The following MYCBP2 variants were observed in gnomAD, a reference collection of about 807,000 sequenced individuals.
MYCBP2 encodes the protein MYC binding protein 2, also known as E3 ubiquitin-protein ligase MYCBP2.
Under a neutral mutation model 525.3 loss-of-function variants are expected in MYCBP2, and 120 were observed. That is an observed-to-expected ratio of 0.23 (90% CI 0.20 to 0.27). The LOEUF (loss-of-function observed/expected upper bound fraction) is 0.27. Ranked by LOEUF, MYCBP2 falls within the 10% of genes least tolerant of loss-of-function variation. The pLI is 1.00. For missense variants in MYCBP2, 4,149 were observed against 5,657.1 expected, an observed-to-expected ratio of 0.73 and a Z score of 8.55; for synonymous variants, 1,894 against 1,955.8, an observed-to-expected ratio of 0.97 and a Z score of 0.83.
chr13:77,169,538 A>C, intron 39 of MYCBP2, 76 bp downstream of exon 39: 2 of 1,319,526 alleles, frequency 1.5e-6, no homozygotes, highest in South Asian at 2.5e-5. Flanking sequence ...AGTTTTTGTA[A>C]AGACAAGACA....
rs1229214120 is a variant in MYCBP2, at chr13:77,098,128, T to A, written c.9026A>T (p.Lys3009Ile). 1 of 1,613,560 alleles carries A rather than the reference T, an allele frequency of 6.2e-7. No homozygotes were observed. The highest frequency in any genetic ancestry group is 1.3e-5 in the African/African-American group (1 of 74,888). The change falls in exon 56 of 83, where the codon AAA becomes ATA. Residue 3009 changes from lysine to isoleucine, a missense_variant. By Grantham distance (102) the Lys-to-Ile change is moderately radical. This residue lies in a region of MYCBP2 where 653 missense variants were observed against 744.7 expected (regional missense o/e 0.88). Coordinates refer to ENST00000544440, the MANE Select transcript of MYCBP2 (RefSeq NM_015057.5). ...CTCTAAAGGCTTGGATCCATCTCCT[T>A]TGAAAAGAAAACTCGATTTTTCTTT... ...PKKEKSSFLF[K>I]GDGSKPLEPA... is the part of the protein sequence containing the mutation.
chr13:77,057,611 G>T (rs1056215888), intron 78 of MYCBP2, among the ~76,000 whole-genome samples: 3 of 152,206 alleles, frequency 2.0e-5, no homozygotes, highest in East Asian at 1.9e-4. Flanking sequence ...ATTAAGAAGA[G>T]CCTTAGCTAC....
At chr13:77,311,460 A>G (rs1428290811) in intron 1 of MYCBP2, among the ~76,000 whole-genome samples, 1 of 152,198 alleles carries the variant, frequency 6.6e-6, no homozygotes, top group Non-Finnish European at 1.5e-5. Context: ...ATTATCCAAC[A>G]ATGACTGGAA....
At chr13:77,103,318 G>A (rs1274741798) in intron 55 of MYCBP2, 1 of 397,182 alleles carries the variant, frequency 2.5e-6, no homozygotes, top group East Asian at 3.6e-5. Context: ...ATTCTACAGT[G>A]GAAAACATTG....
intron 1 of MYCBP2, among the ~76,000 whole-genome samples, chr13:77,324,176 A>G (rs1267675295): frequency 6.6e-6 from 1 of 152,140 alleles, no homozygotes; most frequent in African/African-American, 2.4e-5. Context: ...AACGGTTCTC[A>G]CTTTCTTCAA....
intron 55 of MYCBP2, chr13:77,118,262 A>C (rs1279433361): frequency 4.8e-6 from 3 of 628,440 alleles, no homozygotes; most frequent in Non-Finnish European, 8.5e-6. Flanking sequence ...TGAGTTGATA[A>C]CTAATTAGTA....
chr13:77,113,075 C>T (rs958046708), intron 55 of MYCBP2, among the ~76,000 whole-genome samples: 5 of 152,150 alleles, frequency 3.3e-5, no homozygotes, highest in Non-Finnish European at 7.4e-5. Context: ...CTGCCTGACA[C>T]GTAGGTGGAC....
chr13:77,103,794 C>T lies in MYCBP2; in HGVS notation c.8141-4781G>A, dbSNP rs186934441. On this transcript the variant is annotated intron_variant, in intron 55 of 82. Coordinates refer to ENST00000544440, the MANE Select transcript of MYCBP2 (RefSeq NM_015057.5). Reference sequence around the variant, plus strand: ...TCCAGTATGTATCTCAGAATGGACTCGGGGTGACACTGTGTTTGGCTACTT... The same window carrying T: ...TCCAGTATGTATCTCAGAATGGACTTGGGGTGACACTGTGTTTGGCTACTT... 1.7e-3 allele frequency among the ~76,000 whole-genome samples: 254 copies of T among 152,000 alleles called. 4 individuals are homozygous for T. Among genetic ancestry groups the T allele is most frequent in the African/African-American group, 5.4e-3 (225 of 41,484 alleles).
chr13:77,163,704 G>A (rs543861212), intron 43 of MYCBP2, among the ~76,000 whole-genome samples: 15 of 152,134 alleles, frequency 9.9e-5, no homozygotes, highest in South Asian at 4.2e-4. Flanking sequence ...CAAATGGACC[G>A]CCCTTCCTTA....
chr13:77,051,351 G>C (rs192665830), intron 81 of MYCBP2, among the ~76,000 whole-genome samples, 189 bp from the exon 82 acceptor site: 46 of 152,260 alleles, frequency 3.0e-4, no homozygotes, highest in African/African-American at 1.1e-3. Flanking sequence ...CTGTCCAAAA[G>C]GTCTGGACAA....
chr13:77,233,854 TAC>T (rs1192409412), intron 17 of MYCBP2, among the ~76,000 whole-genome samples: 1 of 149,568 alleles, frequency 6.7e-6, no homozygotes, highest in Non-Finnish European at 1.5e-5. Flanking sequence ...GATATATGTA[TAC>T]ACACAGAGAG....
At chr13:77,197,466 G>A (rs574043166) in intron 26 of MYCBP2, among the ~76,000 whole-genome samples, 1 of 152,254 alleles carries the variant, frequency 6.6e-6, no homozygotes, top group Non-Finnish European at 1.5e-5. Context: ...GAATTCAGTT[G>A]AGATATTATG....
intron 1 of MYCBP2, among the ~76,000 whole-genome samples, chr13:77,312,898 A>G (rs2080446793): frequency 6.6e-6 from 1 of 152,026 alleles, no homozygotes; most frequent in Non-Finnish European, 1.5e-5. Flanking sequence ...TAAACATCCA[A>G]ACAACACTTA....
chr13:77,059,478 AG>A (rs760961371), intron 77 of MYCBP2, 44 bp downstream of exon 77: 1 of 1,404,714 alleles, frequency 7.1e-7, no homozygotes, highest in Non-Finnish European at 1.0e-6. Context: ...AAGGTGTCAC[AG>A]GGGAACATGG....
At chr13:77,284,359 G>A (rs2076517201) in intron 3 of MYCBP2, among the ~76,000 whole-genome samples, 1 of 152,118 alleles carries the variant, frequency 6.6e-6, no homozygotes, top group African/African-American at 2.4e-5. Flanking sequence ...AGCAGCATTT[G>A]GGGCTGAGGC....
intron 1 of MYCBP2, among the ~76,000 whole-genome samples, chr13:77,317,232 G>T (rs573674204): frequency 6.6e-6 from 1 of 152,198 alleles, no homozygotes; most frequent in Non-Finnish European, 1.5e-5. Flanking sequence ...GATTACAGGC[G>T]TGAGCCATCG....
At position 77,242,457 on chromosome 13, in the gene MYCBP2, C is replaced by T. The variant is rs573821463; in HGVS notation, c.2629+602G>A. ...GCTAAGAAACTTTTAAGCTCATAAA[C>T]AATGAGGAAAAGATAAACAATAGAC... On this transcript the variant is annotated intron_variant, in intron 17 of 82. Coordinates refer to ENST00000544440, the MANE Select transcript of MYCBP2 (RefSeq NM_015057.5). 3.1e-4 allele frequency among the ~76,000 whole-genome samples: 47 copies of T among 152,150 alleles called. 1 individual carries two copies. The highest frequency in any genetic ancestry group is 1.1e-3 in the African/African-American group (47 of 41,530).
At chr13:77,234,120 T>C (rs916731508) in intron 17 of MYCBP2, among the ~76,000 whole-genome samples, 4 of 152,010 alleles carry the variant, frequency 2.6e-5, no homozygotes, top group African/African-American at 9.7e-5. Context: ...TAAATCATTT[T>C]TCCCATTAAC....
At chr13:77,199,581 T>A (rs1234693994) in intron 26 of MYCBP2, among the ~76,000 whole-genome samples, 1 of 151,976 alleles carries the variant, frequency 6.6e-6, no homozygotes, top group Non-Finnish European at 1.5e-5. Context: ...GCTCCACCTC[T>A]GGGGGCAGGG....
Sources: allele counts gnomAD v4.1 joint callset (sites outside exome capture counted in the v4.1 genomes callset), GRCh38; gene constraint gnomAD v4.1.1; regional missense constraint gnomAD v4.1.1; transcripts MANE v1.5; gene names NCBI Gene and HGNC (gene_info 2026-07-23, HGNC 2026-07-21).